MYO18B: variants seen among roughly 807,000 people sequenced by gnomAD.
MYO18B encodes the protein myosin XVIIIB, also known as unconventional myosin-XVIIIb.
In MYO18B, 204 loss-of-function variants were observed where a neutral mutation model predicts 273.0. That is an observed-to-expected ratio of 0.75 (90% confidence interval 0.67 to 0.84). The LOEUF is 0.84. Among genes scored for constraint, MYO18B ranks in the 40% least tolerant of loss-of-function variants. The probability of loss-of-function intolerance (pLI) is 0.00; values close to 1 mark genes in which losing one functional copy is unlikely to be tolerated. For missense variants in MYO18B, 3,212 were observed against 3,287.6 expected (o/e 0.98, Z 0.56); for synonymous variants, 1,330 against 1,305.7 (o/e 1.02, Z -0.40).
At chr22:26,060,043 G>C in the MYO18B span, among the ~76,000 whole-genome samples, 3 of 152,214 alleles carry the variant, frequency 2.0e-5, no homozygotes, top group Non-Finnish European at 4.4e-5. Context: ...TATTAGCCTT[G>C]TGATCAGTGC....
the MYO18B span, among the ~76,000 whole-genome samples, chr22:26,047,738 A>T: frequency 4.6e-5 from 7 of 152,208 alleles, no homozygotes; most frequent in Non-Finnish European, 2.9e-5. Flanking sequence ...AAAATATTTC[A>T]TTATATTGGG....
chr22:25,829,007 G>T (rs190356811), intron 15 of MYO18B, 39 bp downstream of exon 15: 1 of 1,600,976 alleles, frequency 6.2e-7, no homozygotes, highest in East Asian at 2.2e-5. Context: ...CCAGAGCTCC[G>T]TGGATGGTGT....
At chr22:26,020,081 C>T (rs1935688723) in intron 42 of MYO18B, among the ~76,000 whole-genome samples, 1 of 152,114 alleles carries the variant, frequency 6.6e-6, no homozygotes, top group Non-Finnish European at 1.5e-5. Flanking sequence ...AAATGCAGGC[C>T]CTGCCACTTA....
intron 12 of MYO18B, among the ~76,000 whole-genome samples, chr22:25,816,645 G>A (rs993220011): frequency 4.6e-5 from 7 of 152,112 alleles, no homozygotes; most frequent in African/African-American, 1.7e-4. Context: ...AACCTCATTC[G>A]TTCTTCACAA....
intron 39 of MYO18B, among the ~76,000 whole-genome samples, chr22:25,971,051 G>T (rs1468879995): frequency 6.6e-6 from 1 of 152,256 alleles, no homozygotes; most frequent in Non-Finnish European, 1.5e-5. Flanking sequence ...AGAGGGACAG[G>T]TAGTAAATAT....
intron 1 of MYO18B, among the ~76,000 whole-genome samples, chr22:25,753,518 C>T (rs931270431): frequency 5.9e-5 from 9 of 152,186 alleles, no homozygotes; most frequent in Non-Finnish European, 1.0e-4. Flanking sequence ...ACTGGTAACC[C>T]GCCCGGGTCT....
chr22:26,024,509 CAGAG>C (rs2147004164), intron 42 of MYO18B, among the ~76,000 whole-genome samples: 1 of 152,280 alleles, frequency 6.6e-6, no homozygotes, highest in East Asian at 1.9e-4. Context: ...GGGTGATGGT[CAGAG>C]AGAGAAAGGA....
At chr22:25,805,854 C>T (rs2088449618) in intron 12 of MYO18B, among the ~76,000 whole-genome samples, 1 of 152,230 alleles carries the variant, frequency 6.6e-6, no homozygotes, top group African/African-American at 2.4e-5. Context: ...TTGTCAACCC[C>T]TCAGCTCTTG....
chr22:25,959,378 T>A (rs1336524852), intron 39 of MYO18B: 1 of 149,968 alleles, frequency 6.7e-6, no homozygotes, highest in Non-Finnish European at 1.5e-5. Flanking sequence ...GCATAAGCGA[T>A]CCTCCTGCCT....
At position 26,026,685 on chromosome 22, in the gene MYO18B, G is replaced by A. The variant is rs199593757; in HGVS notation, c.6711G>A (p.Pro2237=). 3.4e-3 allele frequency: 5,565 copies of A among 1,613,792 alleles called. 33 individuals are homozygous for A. Among genetic ancestry groups the A allele is most frequent in the Middle Eastern group, 0.022 (134 of 6,062 alleles). ...CTTCTCGGAGTACAAATACATCCCC[G>A]CTGTCGAGGGAAAAGCTGCCCAGTC... ...PLASRSTNTS[P]LSREKLPSPS... Residue 2237 remains proline, a synonymous_variant, in exon 43 of 44, where the codon CCG becomes CCA. Transcript: ENST00000335473.
At chr22:25,744,956 T>C (rs574838348) in intron 1 of MYO18B, among the ~76,000 whole-genome samples, 6 of 152,198 alleles carry the variant, frequency 3.9e-5, no homozygotes, top group Non-Finnish European at 8.8e-5. Flanking sequence ...CAGCCCCTGC[T>C]GTCACGGCTG....
At chr22:25,964,223 C>G (rs2092951954) in intron 39 of MYO18B, 1 of 153,002 alleles carries the variant, frequency 6.5e-6, no homozygotes, top group Non-Finnish European at 1.5e-5. Flanking sequence ...CCAGATCAAC[C>G]CTGGCGATCA....
At chr22:25,961,704 A>G (rs2092920234) in intron 39 of MYO18B, among the ~76,000 whole-genome samples, 1 of 152,184 alleles carries the variant, frequency 6.6e-6, no homozygotes, top group African/African-American at 2.4e-5. Context: ...AGAAGTCCAG[A>G]TGCTGACGGG....
At chr22:26,020,604 C>A (rs1033589) in intron 42 of MYO18B, among the ~76,000 whole-genome samples, 87,638 of 152,096 alleles carry the variant, frequency 0.58, 26,851 homozygotes, top group African/African-American at 0.76. Context: ...ATAAATAAGT[C>A]ATGTATGGAA....
rs139536173 is a variant in MYO18B at position 25,955,348 on chromosome 22, G to A, written c.6140G>A (p.Arg2047Gln). 1,628 of 1,613,178 alleles carry A rather than the reference G, an allele frequency of 1.0e-3. 14 individuals carry two copies. In the African/African-American group the frequency reaches 0.019, roughly 19 times the overall value. Residue 2047 changes from arginine to glutamine, a missense_variant, in exon 39 of 44, where the codon CGG becomes CAG. By Grantham distance (43) the Arg-to-Gln change is conservative. Coordinates refer to ENST00000335473, the MANE Select transcript of MYO18B (RefSeq NM_032608.7). ...GTGCAGCGGGAGGCAGAGGCCAGCCGGCGGTGCATGGAGCTGGTGAGTCCT... is the reference window on the plus strand; with the variant it reads ...GTGCAGCGGGAGGCAGAGGCCAGCCAGCGGTGCATGGAGCTGGTGAGTCCT... ...ELVQREAEASRRCMELEKYVE... is the reference protein window; with the variant it reads ...ELVQREAEASQRCMELEKYVE...
chr22:26,043,230 A>G, the MYO18B span, among the ~76,000 whole-genome samples: 1 of 152,022 alleles, frequency 6.6e-6, no homozygotes, highest in Non-Finnish European at 1.5e-5. Flanking sequence ...TAGATGAGTC[A>G]GTAGTTTGTT....
chr22:26,026,359 G>A, intron 42 of MYO18B, 86 bp from the exon 43 acceptor site: 1 of 1,415,666 alleles, frequency 7.1e-7, no homozygotes, highest in Non-Finnish European at 9.6e-7. Flanking sequence ...TAATATTAGT[G>A]CCTGTGCTTA....
rs376592545 is a variant in MYO18B, at chr22:25,903,650, C to T, written c.4967C>T (p.Ser1656Leu). The change falls in exon 31 of 44, where the codon TCA becomes TTA. Residue 1656 changes from serine to leucine, a missense_variant. Coordinates refer to ENST00000335473, the MANE Select transcript of MYO18B (RefSeq NM_032608.7). The part of the protein sequence containing the change: ...QQLKQKEQEA[S>L]QLKQQVEMLQ... ...CTGTAGCAAAAGGAGCAGGAAGCCT[C>T]ACAGCTGAAGCAGCAGGTGGAGATG... The T allele has an allele frequency of 5.0e-6, 8 of 1,607,112 alleles. No individual in the cohort carries two copies. In the African/African-American group the frequency reaches 8.0e-5, roughly 16 times the overall value.
intron 12 of MYO18B, among the ~76,000 whole-genome samples, chr22:25,804,884 A>G (rs895380965): frequency 4.6e-5 from 7 of 152,230 alleles, no homozygotes; most frequent in South Asian, 2.1e-4. Context: ...GACCGTGGGC[A>G]TCACCCATAG....
Sources: gnomAD v4.1 joint callset for allele counts (sites outside exome capture counted in the v4.1 genomes callset) on GRCh38, gnomAD v4.1.1 for gene constraint, MANE v1.5 for transcripts, NCBI Gene and HGNC (gene_info 2026-07-23, HGNC 2026-07-21) for gene names.